NUP160: variants seen among roughly 807,000 people sequenced by gnomAD.
NUP160 encodes nuclear pore complex protein Nup160.
A neutral mutation model predicts 196.9 loss-of-function variants in NUP160; 94 were observed. The ratio of observed to expected loss-of-function variants is 0.48; its 90% confidence interval spans 0.40 to 0.57. The LOEUF is 0.57. Among genes scored for constraint, NUP160 ranks in the 20% least tolerant of loss-of-function variants. The pLI, the probability that NUP160 is intolerant of heterozygous loss-of-function variation, is 0.00. For missense variants in NUP160, 1,638 were observed against 1,748.3 expected (o/e 0.94, Z 1.13); for synonymous variants, 605 against 619.7 (o/e 0.98, Z 0.35).
At chr11:47,800,928 G>A (rs1331005985) in intron 23 of NUP160, among the ~76,000 whole-genome samples, 1 of 152,194 alleles carries the variant, frequency 6.6e-6, no homozygotes, top group Non-Finnish European at 1.5e-5. Context: ...ATCTGAGGAG[G>A]TGACAGATAA....
At chr11:47,820,692 C>T (rs1851839603) in intron 9 of NUP160, among the ~76,000 whole-genome samples, 1 of 152,118 alleles carries the variant, frequency 6.6e-6, no homozygotes, top group Non-Finnish European at 1.5e-5. Context: ...GCTGGGATTA[C>T]AGGCACATAC....
chr11:47,788,754 CTAAA>C (rs2097666193), intron 29 of NUP160, 143 bp from the exon 30 acceptor site: 11 of 610,158 alleles, frequency 1.8e-5, no homozygotes, highest in South Asian at 1.8e-4. Flanking sequence ...AAATAGGGCA[CTAAA>C]TAAATGCTAA....
intron 18 of NUP160, 115 bp downstream of exon 18, chr11:47,808,281 T>C: frequency 9.7e-7 from 1 of 1,035,872 alleles, no homozygotes; most frequent in Non-Finnish European, 1.4e-6. Flanking sequence ...AGACTCTGTC[T>C]CAAAACAAAA....
intron 4 of NUP160, among the ~76,000 whole-genome samples, chr11:47,838,933 G>A (rs1852238496): frequency 6.6e-6 from 1 of 151,768 alleles, no homozygotes; most frequent in South Asian, 2.1e-4. Flanking sequence ...GAACCCAGGA[G>A]GTGGAGATTG....
intron 7 of NUP160, among the ~76,000 whole-genome samples, chr11:47,823,594 G>A (rs1851907167): frequency 6.6e-6 from 1 of 152,036 alleles, no homozygotes; most frequent in Admixed American, 6.6e-5. Context: ...GAGTGCAATG[G>A]TGCGATCTCG....
intron 27 of NUP160, among the ~76,000 whole-genome samples, chr11:47,795,290 G>A (rs2097670267): frequency 6.6e-6 from 1 of 152,034 alleles, no homozygotes; most frequent in African/African-American, 2.4e-5. Flanking sequence ...AATATGTAAG[G>A]CGCTTTCAGA....
chr11:47,814,169 A>C (rs11039409), intron 13 of NUP160, among the ~76,000 whole-genome samples: 31,940 of 139,276 alleles, frequency 0.23, 4,328 homozygotes, highest in South Asian at 0.48. Context: ...AACAAACAAA[A>C]AAAAGAAACA....
At chr11:47,836,713 T>G (rs146181251) in intron 6 of NUP160, among the ~76,000 whole-genome samples, 174 bp downstream of exon 6, 1 of 152,296 alleles carries the variant, frequency 6.6e-6, no homozygotes, top group East Asian at 1.9e-4. Context: ...GACAGTAAGT[T>G]AGGAGGAAAA....
intron 31 of NUP160, among the ~76,000 whole-genome samples, chr11:47,787,736 G>A (rs2097665479): frequency 6.6e-6 from 1 of 150,530 alleles, no homozygotes; most frequent in Non-Finnish European, 1.5e-5. Context: ...TCTTTTTTTT[G>A]AGACAGAGTC....
At chr11:47,817,043 A>G (rs1236687791) in intron 11 of NUP160, among the ~76,000 whole-genome samples, 1 of 151,008 alleles carries the variant, frequency 6.6e-6, no homozygotes, top group Non-Finnish European at 1.5e-5. Context: ...TGGCATGATC[A>G]AGGCTCACCA....
intron 2 of NUP160, among the ~76,000 whole-genome samples, chr11:47,843,315 C>T (rs901003172): frequency 2.6e-5 from 4 of 152,178 alleles, no homozygotes; most frequent in Non-Finnish European, 5.9e-5. Flanking sequence ...TCATCAATGA[C>T]CTCCATGATC....
intron 11 of NUP160, among the ~76,000 whole-genome samples, chr11:47,816,976 GTT>G (rs371077064): frequency 4.4e-5 from 6 of 136,538 alleles, no homozygotes; most frequent in Non-Finnish European, 6.3e-5. Flanking sequence ...AATCCTTTCA[GTT>G]TTTTTTTTTT....
intron 14 of NUP160, 133 bp from the exon 15 acceptor site, chr11:47,813,180 T>C (rs1721397015): frequency 2.1e-6 from 2 of 958,690 alleles, no homozygotes; most frequent in African/African-American, 1.6e-5. Context: ...GTCTCTTAAG[T>C]GTTCATTAAA....
At chr11:47,781,127 G>A (rs867357827) in intron 34 of NUP160, among the ~76,000 whole-genome samples, 6 of 152,090 alleles carry the variant, frequency 3.9e-5, no homozygotes, top group Middle Eastern at 3.4e-3. Context: ...GGAGGCTGAG[G>A]CTGAAGAATT....
intron 1 of NUP160, 62 bp downstream of exon 1, chr11:47,848,157 G>C: frequency 6.3e-7 from 1 of 1,576,520 alleles, no homozygotes; most frequent in East Asian, 2.2e-5. Flanking sequence ...AGGGACCCTG[G>C]GACCCATGAG....
chr11:47,814,478 T>C (rs1340406102), intron 13 of NUP160, among the ~76,000 whole-genome samples: 2 of 151,348 alleles, frequency 1.3e-5, no homozygotes, highest in African/African-American at 2.4e-5. Flanking sequence ...TAGGCGGAGG[T>C]TGCAGTGAGC....
At chr11:47,807,010 T>G in intron 19 of NUP160, 60 bp downstream of exon 19, 2 of 1,268,612 alleles carry the variant, frequency 1.6e-6, no homozygotes, top group Non-Finnish European at 2.3e-6. Flanking sequence ...AAGACCACTT[T>G]AATGAATATG....
chr11:47,814,403 G>T (rs1481041845), intron 13 of NUP160, among the ~76,000 whole-genome samples: 2 of 152,036 alleles, frequency 1.3e-5, no homozygotes, highest in African/African-American at 2.4e-5. Flanking sequence ...CTAGCCAGGT[G>T]TGGTGGCGCG....
chr11:47,835,706 G>T, exon 7 of NUP160: 1 of 1,600,838 alleles, frequency 6.2e-7, no homozygotes, highest in Non-Finnish European at 8.5e-7. Flanking sequence ...CATGGTGGGG[G>T]AATAAGCAAG....
Sources: gnomAD v4.1 joint callset for allele counts (sites outside exome capture counted in the v4.1 genomes callset) on GRCh38, gnomAD v4.1.1 for gene constraint, MANE v1.5 for transcripts, NCBI Gene and HGNC (gene_info 2026-07-23, HGNC 2026-07-21) for gene names.